The following ANO4 variants were observed in gnomAD, a reference collection of about 807,000 sequenced individuals.
ANO4 encodes anoctamin 4.
Under a neutral mutation model 141.9 loss-of-function variants are expected in ANO4, and 69 were observed. That is an observed-to-expected ratio of 0.49 (90% CI 0.40 to 0.59). ANO4 has a LOEUF of 0.59. ANO4 is among the 20% of genes least tolerant of loss of function. The pLI is 0.00. For missense variants in ANO4, 894 were observed against 1,162.2 expected (o/e 0.77, Z 3.36); for synonymous variants, 350 against 394.3 (o/e 0.89, Z 1.33).
At chr12:100,729,798 C>A (rs2031310031) in intron 1 of ANO4, among the ~76,000 whole-genome samples, 1 of 152,206 alleles carries the variant, frequency 6.6e-6, no homozygotes, top group Admixed American at 6.5e-5. Context: ...ATTGCCACGG[C>A]TCTTTGTACT....
At chr12:100,792,631 G>A (rs181713175), upstream of ANO4, among the ~76,000 whole-genome samples, 29 of 152,216 alleles carry the variant, frequency 1.9e-4, no homozygotes, top group East Asian at 4.6e-3. Flanking sequence ...GTTAATAACT[G>A]GAATACCTAT....
At chr12:100,965,107 A>G (rs2043594731) in intron 5 of ANO4, among the ~76,000 whole-genome samples, 2 of 152,148 alleles carry the variant, frequency 1.3e-5, no homozygotes, top group Admixed American at 1.3e-4. Flanking sequence ...ATTCATGGCT[A>G]TCTGCAAAGA....
chr12:101,033,243 C>T (rs1248394425), intron 9 of ANO4, among the ~76,000 whole-genome samples: 3 of 151,604 alleles, frequency 2.0e-5, no homozygotes, highest in South Asian at 4.2e-4. Flanking sequence ...CGCATATTCT[C>T]ACTCATAGGT....
chr12:101,074,070 C>T (rs1449536209), intron 14 of ANO4, among the ~76,000 whole-genome samples: 1 of 152,136 alleles, frequency 6.6e-6, no homozygotes, highest in Non-Finnish European at 1.5e-5. Flanking sequence ...CAGGTTGTTT[C>T]ATCTTCATGC....
chr12:100,771,251 G>A (rs919543472), intron 3 of ANO4, among the ~76,000 whole-genome samples: 4 of 152,142 alleles, frequency 2.6e-5, no homozygotes, highest in African/African-American at 9.7e-5. Context: ...GGTCAGATCA[G>A]TGGGTGGACA....
intron 8 of ANO4, among the ~76,000 whole-genome samples, chr12:101,007,010 T>A (rs893648288): frequency 2.0e-5 from 3 of 152,196 alleles, no homozygotes; most frequent in African/African-American, 7.2e-5. Flanking sequence ...CAGGAACTTA[T>A]ACACTGGGGG....
intron 1 of ANO4, among the ~76,000 whole-genome samples, chr12:100,862,004 A>G (rs2038504881): frequency 6.6e-6 from 1 of 152,208 alleles, no homozygotes; most frequent in South Asian, 2.1e-4. Context: ...GTCATCCATG[A>G]TAACAATGCC....
chr12:101,120,391 ACAG>A, intron 25 of ANO4, 126 bp from the exon 26 acceptor site: 1 of 726,190 alleles, frequency 1.4e-6, no homozygotes, highest in South Asian at 2.0e-5. Flanking sequence ...AAGCAAAACA[ACAG>A]ATATCTAGTA....
intron 1 of ANO4, among the ~76,000 whole-genome samples, chr12:100,865,523 G>A (rs190589856): frequency 7.2e-5 from 11 of 152,098 alleles, no homozygotes; most frequent in Admixed American, 5.9e-4. Flanking sequence ...ATCTCAAAAG[G>A]ACATTTATGC....
At chr12:100,790,322 A>C (rs1421582985), upstream of ANO4, among the ~76,000 whole-genome samples, 2 of 152,220 alleles carry the variant, frequency 1.3e-5, no homozygotes, top group East Asian at 3.8e-4. Context: ...TGGCATGATT[A>C]TATTTGTTGT....
upstream of ANO4, among the ~76,000 whole-genome samples, chr12:100,792,148 A>G (rs939532194): frequency 1.3e-5 from 2 of 152,040 alleles, no homozygotes; most frequent in African/African-American, 4.8e-5. Context: ...CCCACTTCCC[A>G]TGAACTGTGT....
In ANO4 at chr12:100,880,039, A is replaced by G. The variant is rs369015120; in HGVS notation, c.-140-21607A>G. Among the ~76,000 whole-genome samples, 17 of 152,280 alleles carry G rather than the reference A, an allele frequency of 1.1e-4. 2 individuals carry two copies. In the East Asian group the frequency reaches 2.3e-3, roughly 21 times the overall value. Reference sequence around the variant, plus strand: ...TTAGAACACACTCCAGTTAGAGAAGATGGCACACACATGTTCTTGGAGCTG... The same window carrying G: ...TTAGAACACACTCCAGTTAGAGAAGGTGGCACACACATGTTCTTGGAGCTG... On this transcript the variant is annotated intron_variant, in intron 1 of 27. Transcript: ENST00000392977.
chr12:100,736,110 C>T (rs1460881573), intron 2 of ANO4, among the ~76,000 whole-genome samples: 3 of 152,198 alleles, frequency 2.0e-5, no homozygotes, highest in East Asian at 1.9e-4. Flanking sequence ...TAAAGTCTGC[C>T]TTGGTGACAT....
At chr12:100,962,752 CA>C (rs1320447486) in intron 5 of ANO4, among the ~76,000 whole-genome samples, 2 of 152,174 alleles carry the variant, frequency 1.3e-5, no homozygotes, top group African/African-American at 2.4e-5. Flanking sequence ...TCAAAGCGAG[CA>C]GGAGAATCTC....
intron 3 of ANO4, among the ~76,000 whole-genome samples, chr12:100,753,605 A>G (rs2032480848): frequency 6.6e-6 from 1 of 152,164 alleles, no homozygotes; most frequent in African/African-American, 2.4e-5. Context: ...GCCTGGGCCT[A>G]CCTGCACCCT....
chr12:101,000,036 G>A (rs1041979649), intron 8 of ANO4, among the ~76,000 whole-genome samples: 7 of 145,214 alleles, frequency 4.8e-5, no homozygotes, highest in Non-Finnish European at 7.5e-5. Flanking sequence ...GCAACAGAGC[G>A]AGACTCCATC....
intron 1 of ANO4, among the ~76,000 whole-genome samples, chr12:100,812,077 C>T (rs2035473919): frequency 6.6e-6 from 1 of 152,126 alleles, no homozygotes; most frequent in Non-Finnish European, 1.5e-5. Context: ...TCTCTCCCCC[C>T]ACAGACTGTA....
At chr12:100,959,410 C>T (rs796706102) in intron 5 of ANO4, among the ~76,000 whole-genome samples, 14 of 152,264 alleles carry the variant, frequency 9.2e-5, no homozygotes, top group African/African-American at 3.4e-4. Flanking sequence ...TCTCTTGACC[C>T]CTATACTCTC....
intron 3 of ANO4, among the ~76,000 whole-genome samples, chr12:100,927,235 T>C (rs1363503852): frequency 6.6e-6 from 1 of 151,966 alleles, no homozygotes; most frequent in Non-Finnish European, 1.5e-5. Context: ...AAAGTGGGAG[T>C]GTCAGCAATA....
Sources: gnomAD v4.1 joint callset for allele counts (sites outside exome capture counted in the v4.1 genomes callset) on GRCh38, gnomAD v4.1.1 for gene constraint, MANE v1.5 for transcripts, NCBI Gene and HGNC (gene_info 2026-07-23, HGNC 2026-07-21) for gene names.